TBX1: variants seen among roughly 807,000 people sequenced by gnomAD.
TBX1 encodes the protein T-box transcription factor 1.
TBX1 carries 16 observed loss-of-function variants against 40.8 expected under a neutral mutation model. That is an observed-to-expected ratio of 0.39 (90% CI 0.27 to 0.60). The LOEUF (loss-of-function observed/expected upper bound fraction) is 0.60. TBX1 is among the 20% of genes least tolerant of loss of function. The pLI, the probability that TBX1 is intolerant of heterozygous loss-of-function variation, is 0.51. For missense variants in TBX1, 755 were observed against 728.5 expected, an observed-to-expected ratio of 1.04 and a Z score of -0.42; for synonymous variants, 403 against 336.8, an observed-to-expected ratio of 1.20 and a Z score of -2.15.
downstream of TBX1, chr22:19,782,901 C>G: frequency 2.5e-6 from 4 of 1,614,098 alleles, no homozygotes; most frequent in Non-Finnish European, 3.4e-6. Flanking sequence ...TTTCCCCTCT[C>G]CTGGACTCCA....
downstream of TBX1, among the ~76,000 whole-genome samples, chr22:19,768,953 CTTTTTTTTT>C (rs36085623): frequency 1.7e-4 from 11 of 66,128 alleles, no homozygotes; most frequent in East Asian, 5.6e-4. Context: ...TGTTCGCATT[CTTTTTTTTT>C]TTTTTTTTTT....
chr22:19,777,873 C>A (rs1937091770), intron 8 of TBX1, among the ~76,000 whole-genome samples: 1 of 151,470 alleles, frequency 6.6e-6, no homozygotes, highest in South Asian at 2.1e-4. Flanking sequence ...GATCCTCTTA[C>A]CTCAACCTCC....
At chr22:19,779,208 G>A in intron 8 of TBX1, 2 of 1,614,168 alleles carry the variant, frequency 1.2e-6, no homozygotes, top group South Asian at 1.1e-5. Context: ...ATTGGATGGG[G>A]TTGTCACCCA....
At chr22:19,757,070 C>CCT (rs1936503506), upstream of TBX1, among the ~76,000 whole-genome samples, 1 of 152,178 alleles carries the variant, frequency 6.6e-6, no homozygotes, top group Admixed American at 6.5e-5. Context: ...GCCCCTTTAG[C>CCT]CGAGGGCTCC....
chr22:19,763,567 C>T (rs1183336652), intron 2 of TBX1: 7 of 581,432 alleles, frequency 1.2e-5, no homozygotes, highest in Admixed American at 5.6e-5. Context: ...AGGCTGCAGA[C>T]AGCTCTTGCT....
At chr22:19,770,232 C>CA (rs796208681), downstream of TBX1, among the ~76,000 whole-genome samples, 6 of 152,314 alleles carry the variant, frequency 3.9e-5, no homozygotes, top group African/African-American at 1.4e-4. Context: ...AAAAACTCTC[C>CA]AAAAACAACA....
rs1282566456 is a variant in TBX1, at chr22:19,766,394, G to T, written c.1042G>T (p.Ala348Ser). The T allele has an allele frequency of 5.2e-6, 7 of 1,340,530 alleles. No individual in the cohort carries two copies. Among genetic ancestry groups the T allele is most frequent in the Non-Finnish European group, 6.7e-6 (7 of 1,045,958 alleles). 83.0% of individuals were successfully genotyped at this position (1,340,530 alleles called of 1,614,324 possible). The change falls in exon 7 of 7, where the codon GCT becomes TCT. Residue 348 changes from alanine to serine, a missense_variant. This residue lies in a region of TBX1 where 412 missense variants were observed against 317.6 expected (regional missense o/e 1.30). Coordinates refer to ENST00000649276, the MANE Select transcript of TBX1 (RefSeq NM_001379200.1). ...CTCCTCGGCCCTCTCCGCAGACGCG[G>T]CTGAGGCCCGGCGAGAATTCCAGCG... ...TQPSGTEKDA[A>S]EARREFQRDA...
In TBX1 at chr22:19,766,494, C is replaced by T. The variant is rs1936850184; in HGVS notation, c.1142C>T (p.Ser381Leu). The change falls in exon 7 of 7, where the codon TCG becomes TTG. Residue 381 changes from serine (S) to leucine (L), a missense_variant. Coordinates refer to ENST00000649276, the MANE Select transcript of TBX1 (RefSeq NM_001379200.1). ...PQLLARVLSP[S>L]LPGAGGAGGL... ...CTGCTGGCCCGGGTGCTAAGCCCCT[C>T]GCTGCCCGGGGCCGGCGGCGCCGGC... 2 of 1,317,354 alleles carry T rather than the reference C, an allele frequency of 1.5e-6. No homozygotes were observed. Among genetic ancestry groups the T allele is most frequent in the Non-Finnish European group, 1.9e-6 (2 of 1,033,184 alleles). The allele number at this position is 1,317,354 out of a possible 1,614,324, so 81.6% of individuals were successfully genotyped here. A position where few individuals can be genotyped will look rare whatever the true frequency, so the allele number is the denominator to read the frequency against.
downstream of TBX1, among the ~76,000 whole-genome samples, chr22:19,768,084 C>T (rs978670087): frequency 2.6e-5 from 4 of 152,200 alleles, no homozygotes; most frequent in Non-Finnish European, 4.4e-5. Context: ...TGATCCCTCC[C>T]TTCCTGAGCG....
intron 8 of TBX1, among the ~76,000 whole-genome samples, chr22:19,777,227 C>T (rs1333451319): frequency 6.6e-6 from 1 of 150,510 alleles, no homozygotes; most frequent in East Asian, 2.0e-4. Context: ...TACCCCACAA[C>T]AGTCCCCGGA....
At position 19,765,942 on chromosome 22, in the gene TBX1, G is replaced by A. The variant is rs763231000; in HGVS notation, c.976G>A (p.Ala326Thr). The A allele has an allele frequency of 2.6e-6, 4 of 1,524,272 alleles. No homozygotes were observed. 94.4% of individuals were successfully genotyped at this position (1,524,272 alleles called of 1,614,324 possible). A position where few individuals can be genotyped will look rare whatever the true frequency, so the allele number is the denominator to read the frequency against. ...HRPGALPLMS[A>T]FARSRNPVAS... ...GCCCGGCGCACTGCCGCTCATGAGCGCCTTCGCGCGCTCGCGGAACCCCGT... is the reference window on the plus strand; with the variant it reads ...GCCCGGCGCACTGCCGCTCATGAGCACCTTCGCGCGCTCGCGGAACCCCGT... Residue 326 changes from alanine (A) to threonine (T), a missense_variant, in exon 6 of 7, where the codon GCC (alanine) becomes ACC (threonine). Physicochemically the swap from Ala to Thr is moderately conservative, Grantham distance 58. Transcript: ENST00000649276.
downstream of TBX1, among the ~76,000 whole-genome samples, chr22:19,769,483 C>T (rs41299926): frequency 1.6e-3 from 240 of 152,330 alleles, no homozygotes; most frequent in African/African-American, 5.5e-3. Flanking sequence ...GCTCGCAGGC[C>T]GGCGTCTGGG....
In TBX1 at chr22:19,765,007, A is replaced by T; in HGVS notation, c.761A>T (p.Tyr254Phe). The change falls in exon 4 of 7, where the codon TAT (tyrosine) becomes TTT (phenylalanine). Residue 254 changes from tyrosine (Y) to phenylalanine (F), a missense_variant. Tyr to Phe is a conservative substitution (Grantham distance 22). Transcript: ENST00000649276. The part of the protein sequence containing the change: ...HRYQPRFHVV[Y>F]VDPRKDSEKY... Reference sequence around the variant, plus strand: ...TACCAGCCCCGCTTCCACGTGGTCTATGTGGACCCACGCAAAGATAGCGAG... The same window carrying T: ...TACCAGCCCCGCTTCCACGTGGTCTTTGTGGACCCACGCAAAGATAGCGAG... 1.2e-6 allele frequency: 2 copies of T among 1,614,184 alleles called. No homozygotes were observed. The highest frequency in any genetic ancestry group is 1.1e-5 in the South Asian group (1 of 91,080).
downstream of TBX1, among the ~76,000 whole-genome samples, chr22:19,771,304 G>A (rs1014679617): frequency 6.6e-6 from 1 of 152,160 alleles, no homozygotes; most frequent in Non-Finnish European, 1.5e-5. Flanking sequence ...ACATTTTCTG[G>A]ATTTCAAAAA....
chr22:19,766,786 T>TGCCGCAGCTGCCGCG lies in TBX1; in HGVS notation c.1440_1454dup (p.Ala481_Ala485dup), dbSNP rs773384513. On this transcript the variant is annotated inframe_insertion, in exon 7 of 7. Coordinates refer to ENST00000649276, the MANE Select transcript of TBX1 (RefSeq NM_001379200.1). ...CAGCCGCCGCGGCCGCCGCCGCCGC[T>TGCCGCAGCTGCCGCG]GCCGCAGCTGCCGCGGCCGCCAACA... The TGCCGCAGCTGCCGCG allele has an allele frequency of 6.7e-7, 1 of 1,489,418 alleles. No homozygotes were observed. 92.3% of individuals were successfully genotyped at this position (1,489,418 alleles called of 1,614,324 possible). A position where few individuals can be genotyped will look rare whatever the true frequency, so the allele number is the denominator to read the frequency against.
chr22:19,783,169 C>T, downstream of TBX1: 1 of 682,374 alleles, frequency 1.5e-6, no homozygotes, highest in Non-Finnish European at 2.7e-6. Flanking sequence ...AGCCCAGCCT[C>T]TCCTAAATTC....
At chr22:19,767,792 AG>A (rs777297171), downstream of TBX1, among the ~76,000 whole-genome samples, 2 of 152,186 alleles carry the variant, frequency 1.3e-5, no homozygotes, top group Non-Finnish European at 2.9e-5. Context: ...CGGTGCTGGG[AG>A]GGGGAGAAGC....
downstream of TBX1, chr22:19,783,095 G>T (rs903701343): frequency 7.7e-6 from 6 of 779,958 alleles, no homozygotes; most frequent in African/African-American, 1.0e-4. Flanking sequence ...CCTGAGTGAA[G>T]AGGCTGTGAT....
chr22:19,779,730 C>A (rs1416715667), downstream of TBX1, among the ~76,000 whole-genome samples: 1 of 152,262 alleles, frequency 6.6e-6, no homozygotes, highest in African/African-American at 2.4e-5. Flanking sequence ...AGTACAGACA[C>A]CCACACACTA....
Sources: allele counts gnomAD v4.1 joint callset (sites outside exome capture counted in the v4.1 genomes callset), GRCh38; gene constraint gnomAD v4.1.1; regional missense constraint gnomAD v4.1.1; transcripts MANE v1.5; gene names NCBI Gene and HGNC (gene_info 2026-07-23, HGNC 2026-07-21).